The following DCLK1 variants were observed in gnomAD, a reference collection of about 807,000 sequenced individuals.
The protein encoded by DCLK1 is doublecortin like kinase 1.
A neutral mutation model predicts 86.2 loss-of-function variants in DCLK1; 16 were observed. The observed-to-expected ratio is 0.19, with a 90% confidence interval of 0.13 to 0.28. The LOEUF (loss-of-function observed/expected upper bound fraction) is 0.28, where lower values mean the gene tolerates loss of function less well. Ranked by LOEUF, DCLK1 falls within the 10% of genes least tolerant of loss-of-function variation. DCLK1 has a pLI of 1.00. For synonymous variants in DCLK1, 369 were observed against 370.5 expected, an observed-to-expected ratio of 1.00 and a Z score of 0.05; for missense variants, 590 against 940.2, an observed-to-expected ratio of 0.63 and a Z score of 4.87.
intron 3 of DCLK1, among the ~76,000 whole-genome samples, chr13:35,978,160 C>T (rs1879443085): frequency 7.2e-6 from 1 of 138,742 alleles, no homozygotes. Context: ...CGATTTTCTG[C>T]TTTGTGCAAT....
intron 16 of DCLK1, among the ~76,000 whole-genome samples, chr13:35,788,469 T>C (rs1037742313): frequency 3.9e-5 from 6 of 152,244 alleles, no homozygotes; most frequent in Non-Finnish European, 5.9e-5. Context: ...TGACACCTCA[T>C]GACTATTTTG....
chr13:35,993,032 C>G (rs1880306604), intron 3 of DCLK1, among the ~76,000 whole-genome samples: 1 of 152,142 alleles, frequency 6.6e-6, no homozygotes, highest in African/African-American at 2.4e-5. Flanking sequence ...ACATCCTGGT[C>G]CTTTTGCTGT....
chr13:35,924,507 C>T (rs1875991465), intron 4 of DCLK1, among the ~76,000 whole-genome samples: 1 of 152,126 alleles, frequency 6.6e-6, no homozygotes, highest in Admixed American at 6.5e-5. Context: ...AAACAATTAG[C>T]TGGGCATGGT....
chr13:35,804,364 C>T (rs1315405968), intron 15 of DCLK1, among the ~76,000 whole-genome samples: 1 of 150,824 alleles, frequency 6.6e-6, no homozygotes, highest in Non-Finnish European at 1.5e-5. Context: ...AAACTCCTAA[C>T]CTCAAGTAAT....
intron 4 of DCLK1, among the ~76,000 whole-genome samples, chr13:35,876,764 G>A (rs917851136): frequency 1.3e-5 from 2 of 152,150 alleles, no homozygotes; most frequent in African/African-American, 2.4e-5. Context: ...TGCCTTTGGG[G>A]GCCATCACTT....
intron 4 of DCLK1, among the ~76,000 whole-genome samples, chr13:35,904,346 C>A (rs2153123115): frequency 6.6e-6 from 1 of 152,276 alleles, no homozygotes; most frequent in South Asian, 2.1e-4. Context: ...CGGGTGCCAC[C>A]ATGCCCGGCT....
At chr13:35,904,343 C>T (rs1225113353) in intron 4 of DCLK1, among the ~76,000 whole-genome samples, 1 of 152,178 alleles carries the variant, frequency 6.6e-6, no homozygotes, top group Non-Finnish European at 1.5e-5. Flanking sequence ...AGCCGGGTGC[C>T]ACCATGCCCG....
intron 10 of DCLK1, among the ~76,000 whole-genome samples, chr13:35,826,010 C>T (rs544747516): frequency 2.0e-5 from 3 of 151,686 alleles, no homozygotes; most frequent in African/African-American, 7.3e-5. Context: ...GACGGGGTTT[C>T]ACCATGTTGG....
intron 6 of DCLK1, chr13:35,846,214 T>C: frequency 1.0e-6 from 1 of 985,328 alleles, no homozygotes; most frequent in African/African-American, 1.7e-5. Flanking sequence ...GAGCAGAAAG[T>C]ATGTAACCTC....
chr13:35,781,754 G>A (rs1319688469), intron 16 of DCLK1, among the ~76,000 whole-genome samples: 1 of 152,178 alleles, frequency 6.6e-6, no homozygotes, highest in Non-Finnish European at 1.5e-5. Flanking sequence ...CTAGGAGACT[G>A]AACTGGGGAT....
chr13:36,001,237 C>T (rs1017240757), intron 3 of DCLK1, among the ~76,000 whole-genome samples: 1 of 152,104 alleles, frequency 6.6e-6, no homozygotes, highest in African/African-American at 2.4e-5. Flanking sequence ...CGTGAGCCAC[C>T]GCGCCTGGCC....
chr13:35,904,362 T>A (rs905057540), intron 4 of DCLK1, among the ~76,000 whole-genome samples: 1 of 152,166 alleles, frequency 6.6e-6, no homozygotes, highest in Non-Finnish European at 1.5e-5. Context: ...CGGCTAATTT[T>A]TGTATTTTTA....
chr13:35,780,664 T>G (rs2086509494), intron 16 of DCLK1, among the ~76,000 whole-genome samples: 1 of 152,204 alleles, frequency 6.6e-6, no homozygotes, highest in South Asian at 2.1e-4. Flanking sequence ...AGAAATGGAC[T>G]AATATAAACC....
chr13:36,106,933 A>G (rs565930220), intron 3 of DCLK1, among the ~76,000 whole-genome samples: 1 of 152,176 alleles, frequency 6.6e-6, no homozygotes, highest in Non-Finnish European at 1.5e-5. Context: ...TCAGATTAGA[A>G]TTAGATATTA....
chr13:36,067,450 CT>C (rs1883800722), intron 3 of DCLK1, among the ~76,000 whole-genome samples: 1 of 141,548 alleles, frequency 7.1e-6, no homozygotes, highest in African/African-American at 2.6e-5. Context: ...GGAGATATAC[CT>C]AATGCTAAAT....
At chr13:35,792,425 C>T (rs1410982649) in intron 16 of DCLK1, among the ~76,000 whole-genome samples, 2 of 152,014 alleles carry the variant, frequency 1.3e-5, no homozygotes, top group Admixed American at 6.6e-5. Context: ...ACTAAAAACA[C>T]CCAGAGAAGT....
chr13:36,130,795 T>G (rs1388051685), intron 1 of DCLK1, among the ~76,000 whole-genome samples: 3 of 152,128 alleles, frequency 2.0e-5, no homozygotes, highest in Non-Finnish European at 2.9e-5. Flanking sequence ...TCCTCCGCCC[T>G]GGCTCTCCAT....
chr13:35,909,710 T>G (rs1874900143), intron 4 of DCLK1, among the ~76,000 whole-genome samples: 1 of 151,934 alleles, frequency 6.6e-6, no homozygotes. Context: ...TGGCAGGGTT[T>G]TTAAAGTCAA....
intron 3 of DCLK1, among the ~76,000 whole-genome samples, chr13:36,022,659 A>G (rs569244348): frequency 2.0e-5 from 3 of 152,154 alleles, no homozygotes; most frequent in East Asian, 1.9e-4. Context: ...AATAAGTTAG[A>G]TAATCTGGAC....
Sources: gnomAD v4.1 joint callset for allele counts (sites outside exome capture counted in the v4.1 genomes callset) on GRCh38, gnomAD v4.1.1 for gene constraint, MANE v1.5 for transcripts, NCBI Gene and HGNC (gene_info 2026-07-23, HGNC 2026-07-21) for gene names.